Variants in PARD3B observed in about 807,000 individuals in gnomAD.
PARD3B encodes partitioning defective 3 homolog B.
Under a neutral mutation model 130.2 loss-of-function variants are expected in PARD3B, and 103 were observed. The ratio of observed to expected loss-of-function variants is 0.79; its 90% CI spans 0.67 to 0.93. The LOEUF is 0.93. Ranked by LOEUF, PARD3B falls within the 40% of genes least tolerant of loss-of-function variation. PARD3B has a pLI of 0.00. For missense variants in PARD3B, 1,609 were observed against 1,499.2 expected (o/e 1.07, Z -1.21); for synonymous variants, 583 against 553.2 (o/e 1.05, Z -0.76).
At position 205,617,733 on chromosome 2, in the gene PARD3B, G is replaced by A. The variant is rs2055480050; in HGVS notation, c.*1920G>A. On this transcript the variant is annotated 3_prime_UTR_variant, in exon 23 of 23. Transcript: ENST00000406610. ...CTCACGTGAGGTGGAGTGCAGGGGAGCTACCGGTTTCCCTGCTGACCTGCT... is the reference window on the plus strand; with the variant it reads ...CTCACGTGAGGTGGAGTGCAGGGGAACTACCGGTTTCCCTGCTGACCTGCT... 6.6e-6 allele frequency: 1 copy of A among 152,172 alleles called. No homozygotes were observed. Among genetic ancestry groups the A allele is most frequent in the African/African-American group, 2.4e-5 (1 of 41,434 alleles). 9.4% of individuals were successfully genotyped at this position (152,172 alleles called of 1,614,324 possible).
intron 2 of PARD3B, among the ~76,000 whole-genome samples, chr2:204,724,738 T>C (rs1055877603): frequency 9.9e-5 from 15 of 150,806 alleles, no homozygotes; most frequent in African/African-American, 2.4e-5. Context: ...GTCCTTGCTT[T>C]CAAGGAGTTC....
rs1312415425 is a variant in PARD3B, at chr2:205,078,773, A to G, written c.505-25653A>G. ...AGAAAAGGCTATACCTGTGGCTTCCATCTGATTCCCTTGGGCATTTGCTCT... is the reference window on the plus strand; with the variant it reads ...AGAAAAGGCTATACCTGTGGCTTCCGTCTGATTCCCTTGGGCATTTGCTCT... On this transcript the variant is annotated intron_variant, in intron 4 of 22. Transcript: ENST00000406610. This position sits in a 1 kb window ranked among gnomAD's most constrained non-coding sequence, Gnocchi z 4.0. Among the ~76,000 whole-genome samples, 1 of 152,194 alleles carries G rather than the reference A, an allele frequency of 6.6e-6. No homozygotes were observed. The highest frequency in any genetic ancestry group is 2.1e-4 in the South Asian group (1 of 4,832).
At chr2:204,866,071 G>A (rs1001634656) in intron 2 of PARD3B, among the ~76,000 whole-genome samples, 57 of 152,254 alleles carry the variant, frequency 3.7e-4, no homozygotes, top group African/African-American at 1.3e-3. Flanking sequence ...CCAGAGCATT[G>A]TCATGTCCTG....
rs2046829677 is a variant in PARD3B at position 205,417,744 on chromosome 2, G to GC, written c.2741+16626dup. Among the ~76,000 whole-genome samples the GC allele has an allele frequency of 2.0e-5, 3 of 152,278 alleles. 1 individual carries two copies. The South Asian group carries it at 6.2e-4, about 32-fold the overall frequency. On this transcript the variant is annotated intron_variant, in intron 19 of 22. Transcript: ENST00000406610. ...GAGCCTTCCTTGCAAGATCAATCCA[G>GC]CCCCCTTAACCTTTCACTGAAACAC...
intron 1 of PARD3B, among the ~76,000 whole-genome samples, chr2:204,648,643 TATATATATA>T (rs1344104614): frequency 8.6e-6 from 1 of 116,212 alleles, no homozygotes; most frequent in Non-Finnish European, 1.7e-5. Context: ...TAATATATAT[TATATATATA>T]ATATATTTAT....
At chr2:204,614,869 A>G (rs1347669952) in intron 1 of PARD3B, among the ~76,000 whole-genome samples, 2 of 152,140 alleles carry the variant, frequency 1.3e-5, no homozygotes, top group South Asian at 4.1e-4. Flanking sequence ...TGCTTCCTCT[A>G]TATCCTGCAG....
chr2:205,605,316 TTTGTTG>T (rs1368856384), intron 22 of PARD3B, among the ~76,000 whole-genome samples: 3 of 152,260 alleles, frequency 2.0e-5, no homozygotes, highest in South Asian at 4.1e-4. Flanking sequence ...TCATCGTCTT[TTTGTTG>T]TTGTTGTTGA....
intron 18 of PARD3B, among the ~76,000 whole-genome samples, chr2:205,394,084 T>A (rs1233058552): frequency 6.6e-6 from 1 of 152,188 alleles, no homozygotes; most frequent in Non-Finnish European, 1.5e-5. Flanking sequence ...TCTGTGTGCA[T>A]TGGCTATTGT....
chr2:204,942,255 T>C (rs969879222), intron 2 of PARD3B, among the ~76,000 whole-genome samples: 2 of 152,232 alleles, frequency 1.3e-5, no homozygotes, highest in Admixed American at 1.3e-4. Context: ...GCTCTGGAAA[T>C]GTAACTTTTA....
At chr2:204,577,044 T>C (rs1246601526) in intron 1 of PARD3B, among the ~76,000 whole-genome samples, 2 of 152,158 alleles carry the variant, frequency 1.3e-5, no homozygotes, top group Non-Finnish European at 2.9e-5. Context: ...TGGGGGGGGA[T>C]GGGATAGTTG....
chr2:205,560,520 T>C (rs983780761), intron 22 of PARD3B, among the ~76,000 whole-genome samples: 2 of 152,124 alleles, frequency 1.3e-5, no homozygotes, highest in African/African-American at 2.4e-5. Context: ...TGTCTGCAAA[T>C]TGGTACTGTA....
At chr2:205,519,521 A>T (rs1215067122) in intron 21 of PARD3B, among the ~76,000 whole-genome samples, 2 of 152,184 alleles carry the variant, frequency 1.3e-5, no homozygotes, top group Non-Finnish European at 1.5e-5. Context: ...GGGTATTGCC[A>T]TCCTACTGAA....
intron 2 of PARD3B, among the ~76,000 whole-genome samples, chr2:204,883,445 AT>A (rs1341736597): frequency 1.2e-4 from 9 of 74,128 alleles, no homozygotes; most frequent in Non-Finnish European, 2.0e-4. Flanking sequence ...ATATATATAT[AT>A]ATATATATAT....
At chr2:204,553,361 AG>A (rs1186913487) in intron 1 of PARD3B, among the ~76,000 whole-genome samples, 1 of 152,028 alleles carries the variant, frequency 6.6e-6, no homozygotes, top group Non-Finnish European at 1.5e-5. Flanking sequence ...AAGAACTAAA[AG>A]TAGAACTACC....
chr2:204,596,482 C>T (rs1001859035), intron 1 of PARD3B, among the ~76,000 whole-genome samples: 1 of 152,092 alleles, frequency 6.6e-6, no homozygotes, highest in Admixed American at 6.6e-5. Flanking sequence ...CTTCAGGGTT[C>T]AAGGGTGAAT....
intron 15 of PARD3B, among the ~76,000 whole-genome samples, chr2:205,208,423 CA>C (rs1448344024): frequency 1.4e-5 from 2 of 143,066 alleles, no homozygotes; most frequent in African/African-American, 5.5e-5. Context: ...AAGAGGAAGT[CA>C]AATTGTCCCT....
At chr2:205,447,780 A>G (rs1332998912) in intron 20 of PARD3B, among the ~76,000 whole-genome samples, 2 of 152,140 alleles carry the variant, frequency 1.3e-5, no homozygotes, top group Admixed American at 1.3e-4. Context: ...AATGTCACCT[A>G]ACTCACATTG....
intron 1 of PARD3B, among the ~76,000 whole-genome samples, chr2:204,593,074 TTAAG>T (rs1193983950): frequency 8.5e-5 from 13 of 152,230 alleles, no homozygotes; most frequent in Admixed American, 3.3e-4. Flanking sequence ...CTTTTGTTAA[TTAAG>T]TGTTTTTTCC....
At chr2:205,245,858 C>G (rs1404170812) in intron 16 of PARD3B, 36 bp downstream of exon 16, 1 of 1,528,646 alleles carries the variant, frequency 6.5e-7, no homozygotes, top group Admixed American at 1.7e-5. Flanking sequence ...TATTCCTCTT[C>G]CTGGAAATCA....
Sources: allele counts gnomAD v4.1 joint callset (sites outside exome capture counted in the v4.1 genomes callset), GRCh38; gene constraint gnomAD v4.1.1; non-coding constraint Gnocchi (gnomAD v3.1); transcripts MANE v1.5; gene names NCBI Gene and HGNC (gene_info 2026-07-23, HGNC 2026-07-21).